The following CUBN variants were observed in gnomAD, a reference collection of about 807,000 sequenced individuals.
The protein encoded by CUBN is 460 kDa receptor.
A neutral mutation model predicts 405.3 loss-of-function variants in CUBN; 282 were observed. The observed-to-expected ratio is 0.70, with a 90% CI of 0.63 to 0.77. CUBN has a LOEUF of 0.77. Among genes scored for constraint, CUBN ranks in the 30% least tolerant of loss-of-function variants. CUBN has a pLI of 0.00. For synonymous variants in CUBN, 1,684 were observed against 1,617.0 expected (o/e 1.04, Z -0.99); for missense variants, 4,514 against 4,475.2 (o/e 1.01, Z -0.25).
rs116350428 is a variant in CUBN, at chr10:17,071,828, G to A, written c.2445C>T (p.Val815=). Residue 815 remains valine, a splice_region_variant and synonymous_variant, in exon 18 of 67, where the codon GTC becomes GTT. Coordinates refer to ENST00000377833, the MANE Select transcript of CUBN (RefSeq NM_001081.4). ...TTTAAAAATTATATGTTTCCTTACC[G>A]ACTTGATAAACAGCTCTGAAACTAG... ...EKASFRAVYQ[V]ACGDELTGEG... 1,627 of 1,611,580 alleles carry A rather than the reference G, an allele frequency of 1.0e-3. 15 individuals carry two copies. In the African/African-American group the frequency reaches 0.019, roughly 19 times the overall value.
chr10:17,071,303 C>T, intron 19 of CUBN, 123 bp downstream of exon 19: 1 of 968,662 alleles, frequency 1.0e-6, no homozygotes, highest in Non-Finnish European at 1.6e-6. Context: ...ACATATGTAT[C>T]CATAAGACAT....
chr10:16,923,117 C>T (rs1479726331), intron 43 of CUBN, among the ~76,000 whole-genome samples: 2 of 152,022 alleles, frequency 1.3e-5, no homozygotes, highest in Non-Finnish European at 2.9e-5. Context: ...GGATTACAGG[C>T]GTGAACCACC....
chr10:16,935,207 G>C (rs1473072001), intron 39 of CUBN, among the ~76,000 whole-genome samples: 1 of 151,898 alleles, frequency 6.6e-6, no homozygotes, highest in East Asian at 1.9e-4. Context: ...GGTCTCACTG[G>C]AGTGCAGTGT....
rs140397272 is a variant in CUBN, at chr10:17,105,497, T to C, written c.1190A>G (p.Asn397Ser). The change falls in exon 11 of 67, where the codon AAT (asparagine) becomes AGT (serine). Residue 397 changes from asparagine (N) to serine (S), a missense_variant. Coordinates refer to ENST00000377833, the MANE Select transcript of CUBN (RefSeq NM_001081.4). ...TAGACAGGGGTGACTTAGGCAAATA[T>C]TACTGAGCTGCACACATCCATTTGG... ...YGPNGCVQLSNICLSHPCLNG... is the reference protein window; with the variant it reads ...YGPNGCVQLSSICLSHPCLNG... 1.2e-5 allele frequency: 20 copies of C among 1,611,238 alleles called. No individual in the cohort carries two copies. Among genetic ancestry groups the C allele is most frequent in the Admixed American group, 3.3e-5 (2 of 59,992 alleles).
chr10:16,902,042 T>TAC (rs1442625965), intron 51 of CUBN, among the ~76,000 whole-genome samples: 53 of 134,248 alleles, frequency 3.9e-4, no homozygotes, highest in Admixed American at 1.4e-3. Context: ...TATATATATA[T>TAC]ACACACACCA....
chr10:16,914,995 G>A (rs1452108473), intron 47 of CUBN, 37 bp downstream of exon 47: 3 of 1,576,536 alleles, frequency 1.9e-6, no homozygotes, highest in Non-Finnish European at 2.6e-6. Flanking sequence ...TCCAATGCAG[G>A]TGCTCAATGT....
intron 58 of CUBN, among the ~76,000 whole-genome samples, chr10:16,873,283 G>A (rs745761786): frequency 3.9e-5 from 6 of 152,174 alleles, no homozygotes; most frequent in Non-Finnish European, 8.8e-5. Context: ...TGGAGAGTGG[G>A]AGGTTGCATT....
intron 22 of CUBN, among the ~76,000 whole-genome samples, chr10:17,061,232 C>G (rs1835499265): frequency 6.6e-6 from 1 of 152,182 alleles, no homozygotes; most frequent in Non-Finnish European, 1.5e-5. Flanking sequence ...GTCCAATCCA[C>G]TATTGTATCT....
chr10:17,043,725 G>A (rs943536855), intron 26 of CUBN, 102 bp downstream of exon 26: 1 of 1,515,390 alleles, frequency 6.6e-7, no homozygotes, highest in African/African-American at 1.4e-5. Flanking sequence ...GCACTGAACA[G>A]CGAGTATACA....
chr10:16,992,190 A>G lies in CUBN; in HGVS notation c.4169-1675T>C, dbSNP rs572855359. Among the ~76,000 whole-genome samples, 8 of 151,536 alleles carry G rather than the reference A, an allele frequency of 5.3e-5. No individual in the cohort carries two copies. The East Asian group carries it at 1.6e-3, about 30-fold the overall frequency. ...CTCACTCATAGGTGGGAATTCAACAATGAGAACACTTGGACACAGGGTGGG... is the reference window on the plus strand; with the variant it reads ...CTCACTCATAGGTGGGAATTCAACAGTGAGAACACTTGGACACAGGGTGGG... On this transcript the variant is annotated intron_variant, in intron 28 of 66. Coordinates refer to ENST00000377833, the MANE Select transcript of CUBN (RefSeq NM_001081.4).
At chr10:17,117,584 G>C (rs1836935245) in intron 6 of CUBN, among the ~76,000 whole-genome samples, 1 of 151,738 alleles carries the variant, frequency 6.6e-6, no homozygotes, top group Non-Finnish European at 1.5e-5. Flanking sequence ...TTCACCATGT[G>C]GTGAAACCAA....
intron 58 of CUBN, among the ~76,000 whole-genome samples, chr10:16,873,725 AAAAAAAAAAAAAG>A (rs1840423474): frequency 6.6e-6 from 1 of 151,034 alleles, no homozygotes; most frequent in Non-Finnish European, 1.5e-5. Flanking sequence ...TTCTCTCAAA[AAAAAAAAAAAAAG>A]AAAAGAAAAA....
rs1206797693 is a variant in CUBN at position 17,123,617 on chromosome 10, A to C, written c.460T>G (p.Phe154Val). 8 of 1,613,982 alleles carry C rather than the reference A, an allele frequency of 5.0e-6. No individual in the cohort carries two copies. Among genetic ancestry groups the C allele is most frequent in the Non-Finnish European group, 6.8e-6 (8 of 1,179,906 alleles). ...CACTGTGGGGGACAGATACAAAAAAAGGAATCATGCAGATTGAGGCAGGTT... is the reference window on the plus strand; with the variant it reads ...CACTGTGGGGGACAGATACAAAAAACGGAATCATGCAGATTGAGGCAGGTT... ...GGTCLNLHDS[F>V]FCICPPQWKG... Residue 154 changes from phenylalanine (F) to valine (V), a missense_variant, in exon 5 of 67, where the codon TTT (phenylalanine) becomes GTT (valine). Phe to Val is a conservative substitution (Grantham distance 50). Transcript: ENST00000377833.
chr10:17,013,212 TCTGA>T (rs1222214336), intron 28 of CUBN, among the ~76,000 whole-genome samples: 1 of 152,318 alleles, frequency 6.6e-6, no homozygotes, highest in East Asian at 1.9e-4. Context: ...TCTTTCCTTC[TCTGA>T]CTTTGTCTGT....
chr10:17,043,683 G>A, intron 26 of CUBN, 144 bp downstream of exon 26: 2 of 1,110,962 alleles, frequency 1.8e-6, no homozygotes, highest in Non-Finnish European at 2.7e-6. Context: ...ACTTATTTCA[G>A]TTTGTTTCAA....
intron 37 of CUBN, among the ~76,000 whole-genome samples, chr10:16,939,385 G>A (rs1373740395): frequency 5.9e-5 from 9 of 152,106 alleles, no homozygotes; most frequent in Non-Finnish European, 1.0e-4. Context: ...ATGTGAAAAG[G>A]GGTTCTGAGC....
Position 16,904,010 on chromosome 10 carries a change from T to C in CUBN, c.8018A>G (p.Glu2673Gly). The C allele has an allele frequency of 6.2e-7, 1 of 1,613,546 alleles. No homozygotes were observed. Among genetic ancestry groups the C allele is most frequent in the Non-Finnish European group, 8.5e-7 (1 of 1,179,468 alleles). ...SQVWIHFVTN[E>G]RVEHIGFHAK... ...ATGGAATCCAATGTGTTCTACACGT[T>C]CGTTGGTGACAAAGTGAATCCATAC... The change falls in exon 51 of 67, where the codon GAA becomes GGA. Residue 2673 changes from glutamate (E) to glycine (G), a missense_variant. Around this residue, in one of 5 missense-constraint regions of CUBN, gnomAD observed 1,186 missense variants for 1,186.9 expected, o/e 1.00. Transcript: ENST00000377833.
chr10:16,840,691 G>T (rs1839320336), intron 61 of CUBN, among the ~76,000 whole-genome samples, 156 bp from the exon 62 acceptor site: 1 of 152,116 alleles, frequency 6.6e-6, no homozygotes, highest in Non-Finnish European at 1.5e-5. Flanking sequence ...ACTAAAGATT[G>T]TATCAAATTT....
intron 27 of CUBN, among the ~76,000 whole-genome samples, chr10:17,037,388 T>A (rs60752716): frequency 0.071 from 10,869 of 152,266 alleles, 1,034 homozygotes; most frequent in African/African-American, 0.21. Flanking sequence ...AAAATATCTC[T>A]GTTTAGATTC....
Sources: gnomAD v4.1 joint callset for allele counts (sites outside exome capture counted in the v4.1 genomes callset) on GRCh38, gnomAD v4.1.1 for gene constraint, gnomAD v4.1.1 regional missense constraint, MANE v1.5 for transcripts, NCBI Gene and HGNC (gene_info 2026-07-23, HGNC 2026-07-21) for gene names.